The following MAGEC3 variants were observed in gnomAD, a reference collection of about 807,000 sequenced individuals.
The protein encoded by MAGEC3 is melanoma-associated antigen C3.
Under a neutral mutation model 35.3 loss-of-function variants are expected in MAGEC3, and 34 were observed. The ratio of observed to expected loss-of-function variants is 0.96; its 90% CI spans 0.73 to 1.28. The LOEUF (loss-of-function observed/expected upper bound fraction) is 1.28. Ranked by LOEUF, MAGEC3 falls within the 50% of genes most tolerant of loss-of-function variation. MAGEC3 has a pLI of 0.00. For synonymous variants in MAGEC3, 202 were observed against 185.6 expected (o/e 1.09, Z -0.72); for missense variants, 561 against 483.6 (o/e 1.16, Z -1.50).
rs767564983 is a variant in MAGEC3 at position 141,895,218 on chromosome X, G to A, written c.910-51G>A. ...GTGGAAGGAGGCGGAGAGGTGGGGG[G>A]TGGTTTTTCCATGGAGAGGAGGCCC... On this transcript the variant is annotated intron_variant, in intron 4 of 7. Transcript: ENST00000298296. 7.8e-6 allele frequency: 9 copies of A among 1,155,707 alleles called. No homozygotes were observed. The South Asian group carries it at 1.1e-4, about 15-fold the overall frequency.
chrX:141,886,350 A>C (rs1430749041), intron 4 of MAGEC3, among the ~76,000 whole-genome samples: 1 of 111,158 alleles, frequency 9.0e-6, no homozygotes, highest in Non-Finnish European at 1.9e-5. Flanking sequence ...GAACCCCCTG[A>C]ATGAAGGGGA....
intron 1 of MAGEC3, among the ~76,000 whole-genome samples, chrX:141,864,710 A>G (rs1205734883): frequency 9.0e-6 from 1 of 111,487 alleles, no homozygotes; most frequent in Non-Finnish European, 1.9e-5. Context: ...AATAATCTGT[A>G]CAACAAACCC....
At chrX:141,848,321 A>G (rs891829741) in intron 1 of MAGEC3, among the ~76,000 whole-genome samples, 1 of 110,464 alleles carries the variant, frequency 9.1e-6, no homozygotes, top group Non-Finnish European at 1.9e-5. Context: ...AGAAACAGAA[A>G]AATAAGAAGT....
At chrX:141,879,125 A>G (rs1319894215) in intron 2 of MAGEC3, 50 bp from the exon 3 acceptor site, 7 of 1,120,550 alleles carry the variant, frequency 6.2e-6, no homozygotes, top group Non-Finnish European at 8.2e-6. Context: ...GCAGGAAGGG[A>G]ACACCCATGA....
At chrX:141,862,428 A>C (rs1257760229) in intron 1 of MAGEC3, among the ~76,000 whole-genome samples, 3 of 112,196 alleles carry the variant, frequency 2.7e-5, no homozygotes, top group Non-Finnish European at 5.6e-5. Flanking sequence ...CAAATCCACT[A>C]CTGGCTATTT....
intron 4 of MAGEC3, among the ~76,000 whole-genome samples, chrX:141,882,505 A>T (rs898219471): frequency 1.8e-5 from 2 of 112,284 alleles, no homozygotes; most frequent in African/African-American, 3.2e-5. Context: ...TCTTTAAATT[A>T]TGTAAGAACT....
intron 4 of MAGEC3, among the ~76,000 whole-genome samples, chrX:141,893,964 A>G (rs2018063444): frequency 8.9e-6 from 1 of 112,094 alleles, no homozygotes; most frequent in Non-Finnish European, 1.9e-5. Flanking sequence ...AAATCTGAAA[A>G]TCTAAAATAC....
At position 141,897,075 on chromosome X, in the gene MAGEC3, A is replaced by G. The variant is rs2018105051; in HGVS notation, c.1317A>G (p.Thr439=). Residue 439 remains threonine, a synonymous_variant, in exon 7 of 8, where the codon ACA becomes ACG. Transcript: ENST00000298296. ...DEESSSEEED[T]ATWHALPESE... Reference sequence around the variant, plus strand: ...AGTCCAGCAGTGAAGAGGAGGATACAGCTACTTGGCATGCCTTGCCAGAAA... The same window carrying G: ...AGTCCAGCAGTGAAGAGGAGGATACGGCTACTTGGCATGCCTTGCCAGAAA... 1 of 1,209,812 alleles carries G rather than the reference A, an allele frequency of 8.3e-7. No homozygotes were observed. The highest frequency in any genetic ancestry group is 1.8e-5 in the African/African-American group (1 of 57,117).
At chrX:141,868,078 G>C (rs1052747636) in intron 2 of MAGEC3, among the ~76,000 whole-genome samples, 80 of 110,527 alleles carry the variant, frequency 7.2e-4, no homozygotes, top group African/African-American at 2.3e-3. Flanking sequence ...AGCCGAGATG[G>C]CGCCAGTGCA....
intron 1 of MAGEC3, among the ~76,000 whole-genome samples, chrX:141,856,725 TA>T (rs1254060811): frequency 1.8e-5 from 2 of 111,503 alleles, no homozygotes; most frequent in Non-Finnish European, 3.8e-5. Context: ...TATTCAGCCA[TA>T]AAAAGAAGGA....
chrX:141,881,287 A>C lies in MAGEC3; in HGVS notation c.516-116A>C, dbSNP rs142090686. On this transcript the variant is annotated intron_variant, in intron 3 of 7. Coordinates refer to ENST00000298296, the MANE Select transcript of MAGEC3 (RefSeq NM_138702.1). ...GCCTCTTCCCCAGAATCCTCCTGAG[A>C]GTCCTCCCCAGGGTCCTCTCCAGGG... 908 of 862,070 alleles carry C rather than the reference A, an allele frequency of 1.1e-3. 4 individuals are homozygous for C. The African/African-American group carries it at 0.017, about 16-fold the overall frequency. 71.0% of individuals were successfully genotyped at this position (862,070 alleles called of 1,213,427 possible). A position where few individuals can be genotyped will look rare whatever the true frequency, so the allele number is the denominator to read the frequency against.
intron 6 of MAGEC3, 145 bp from the exon 7 acceptor site, chrX:141,896,737 C>T (rs767456812): frequency 8.3e-7 from 1 of 1,211,885 alleles, no homozygotes; most frequent in Non-Finnish European, 1.1e-6. Context: ...GGTAGATGCA[C>T]AGGATTCCAT....
In MAGEC3 at chrX:141,881,472, TCTC is replaced by T. The variant is rs774050335; in HGVS notation, c.589_591del (p.Leu197del). 12 of 1,210,545 alleles carry T rather than the reference TCTC, an allele frequency of 9.9e-6. No individual in the cohort carries two copies. The highest frequency in any genetic ancestry group is 6.5e-5 in the Admixed American group (3 of 45,895). On this transcript the variant is annotated inframe_deletion, in exon 4 of 8. Coordinates refer to ENST00000298296, the MANE Select transcript of MAGEC3 (RefSeq NM_138702.1). The stretch of plus-strand genomic sequence containing the variant: ...AGGTGGACAAGTTGGTGCAGTTTCT[TCTC>T]CTCAAATATCAAGCAAAAGAGCCTC...
chrX:141,877,253 T>C (rs2017925722), intron 2 of MAGEC3, among the ~76,000 whole-genome samples: 1 of 111,789 alleles, frequency 8.9e-6, no homozygotes, highest in Non-Finnish European at 1.9e-5. Context: ...ATTTTTTGGT[T>C]AAGCTTTTTT....
Position 141,877,593 on chromosome X carries a change from C to T in MAGEC3, c.259-1582C>T, listed in dbSNP as rs769565391. On this transcript the variant is annotated intron_variant, in intron 2 of 7. Transcript: ENST00000298296. ...TGGCCAATCCTCATTCCTTCATTTA[C>T]TGCTCTTTGGATTACTACACTGGCT... is the stretch of plus-strand genomic sequence containing the variant. Among the ~76,000 whole-genome samples, 392 of 111,630 alleles carry T rather than the reference C, an allele frequency of 3.5e-3. 1 individual carries two copies. Among genetic ancestry groups the T allele is most frequent in the Non-Finnish European group, 5.7e-3 (305 of 53,126 alleles).
chrX:141,880,840 C>A (rs1266908936), intron 3 of MAGEC3: 1 of 1,134,859 alleles, frequency 8.8e-7, no homozygotes, highest in Non-Finnish European at 1.2e-6. Flanking sequence ...GAGCTGTAAG[C>A]CGGCCTTTGT....
At chrX:141,839,089 A>G (rs968789418) in intron 1 of MAGEC3, among the ~76,000 whole-genome samples, 9 of 111,250 alleles carry the variant, frequency 8.1e-5, no homozygotes, top group African/African-American at 2.3e-4. Flanking sequence ...ATAGGAGTCT[A>G]TAGTGAGAAT....
At chrX:141,896,038 G>A (rs1456394741) in intron 6 of MAGEC3, 1 of 130,813 alleles carries the variant, frequency 7.6e-6, no homozygotes, top group Admixed American at 7.8e-5. Flanking sequence ...GAAAAGGTGA[G>A]GATGCTAATT....
chrX:141,881,437 C>T lies in MAGEC3; in HGVS notation c.550C>T (p.Leu184=). 1 of 1,209,141 alleles carries T rather than the reference C, an allele frequency of 8.3e-7. No homozygotes were observed. Among genetic ancestry groups the T allele is most frequent in the Non-Finnish European group, 1.1e-6 (1 of 894,411 alleles). ...GAGCGAGCCCTTGTTCACTTATACA[C>T]TGGATGAAAAGGTGGACAAGTTGGT... ...PESEPLFTYT[L]DEKVDKLVQF... is the part of the protein sequence containing the mutation. Residue 184 remains leucine, a synonymous_variant, in exon 4 of 8, where the codon CTG becomes TTG. Transcript: ENST00000298296.
Sources: allele counts gnomAD v4.1 joint callset (sites outside exome capture counted in the v4.1 genomes callset), GRCh38; gene constraint gnomAD v4.1.1; transcripts MANE v1.5; gene names NCBI Gene and HGNC (gene_info 2026-07-23, HGNC 2026-07-21).